ITPR2: variants seen among roughly 807,000 people sequenced by gnomAD.
ITPR2 encodes inositol 1,4,5-trisphosphate receptor type 2, also known as inositol 1,4,5-trisphosphate-gated calcium channel ITPR2.
A neutral mutation model predicts 317.1 loss-of-function variants in ITPR2; 207 were observed. The observed-to-expected ratio is 0.65, with a 90% CI of 0.58 to 0.73. ITPR2 has a LOEUF of 0.73. ITPR2 is among the 30% of genes least tolerant of loss of function. The pLI is 0.00. For synonymous variants in ITPR2, 1,156 were observed against 1,149.1 expected (o/e 1.01, Z -0.12); for missense variants, 2,613 against 3,284.0 (o/e 0.80, Z 4.99).
chr12:26,614,440 A>G (rs1174315569), intron 26 of ITPR2, among the ~76,000 whole-genome samples: 1 of 152,172 alleles, frequency 6.6e-6, no homozygotes, highest in Non-Finnish European at 1.5e-5. Context: ...GCAATCACAA[A>G]TACTCTAAGC....
At chr12:26,576,985 A>ACT (rs145866496) in intron 34 of ITPR2, among the ~76,000 whole-genome samples, 3 of 149,258 alleles carry the variant, frequency 2.0e-5, no homozygotes, top group Admixed American at 6.7e-5. Context: ...CCTTCCTTTC[A>ACT]CTCTCTCTCT....
At chr12:26,751,323 C>A (rs1949411875) in intron 2 of ITPR2, among the ~76,000 whole-genome samples, 1 of 151,938 alleles carries the variant, frequency 6.6e-6, no homozygotes, top group South Asian at 2.1e-4. Context: ...TACACATGTA[C>A]CCACGAACCT....
chr12:26,677,443 C>T (rs1947935332), intron 13 of ITPR2, among the ~76,000 whole-genome samples: 1 of 151,552 alleles, frequency 6.6e-6, no homozygotes, highest in Non-Finnish European at 1.5e-5. Flanking sequence ...CTAGAAAAAT[C>T]CAAAAAATTA....
chr12:26,432,170 T>C (rs1941229076), intron 48 of ITPR2, among the ~76,000 whole-genome samples: 1 of 152,192 alleles, frequency 6.6e-6, no homozygotes, highest in African/African-American at 2.4e-5. Context: ...AGTTAGTCAA[T>C]TTCCCAATTT....
chr12:26,604,835 C>T (rs932610743), intron 26 of ITPR2, among the ~76,000 whole-genome samples: 4 of 152,112 alleles, frequency 2.6e-5, no homozygotes, highest in African/African-American at 9.7e-5. Flanking sequence ...GTGGCTCACA[C>T]CTGTAATCCC....
At chr12:26,756,784 G>A (rs1315330138) in intron 2 of ITPR2, among the ~76,000 whole-genome samples, 1 of 152,136 alleles carries the variant, frequency 6.6e-6, no homozygotes, top group Non-Finnish European at 1.5e-5. Flanking sequence ...GAAGGGAGGG[G>A]GGAAATGTCA....
intron 37 of ITPR2, among the ~76,000 whole-genome samples, chr12:26,516,379 A>AAG (rs1943518904): frequency 1.3e-5 from 2 of 151,634 alleles, no homozygotes; most frequent in African/African-American, 2.4e-5. Flanking sequence ...AAGCTGAGGA[A>AAG]CTACTGTTAT....
chr12:26,380,763 G>A (rs1053805519), intron 55 of ITPR2, among the ~76,000 whole-genome samples: 1 of 152,154 alleles, frequency 6.6e-6, no homozygotes. Flanking sequence ...AGACTCGATG[G>A]CTTTCATGAG....
rs1486404247 is a variant in ITPR2 at position 26,785,453 on chromosome 12, C to T, written c.163+4704G>A. 4.8e-4 allele frequency among the ~76,000 whole-genome samples: 41 copies of T among 85,142 alleles called. 1 individual carries two copies. Among genetic ancestry groups the T allele is most frequent in the African/African-American group, 8.0e-4 (22 of 27,568 alleles). The allele number at this position is 85,142 out of a possible 152,430, so 55.9% of individuals were successfully genotyped here. On this transcript the variant is annotated intron_variant, in intron 2 of 56. Transcript: ENST00000381340. Reference sequence around the variant, plus strand: ...TGGGGGGGTCAGCCCCCTGCCCGGCCGGCCGCCCCGTCCGGGAGGTGAGGG... The same window carrying T: ...TGGGGGGGTCAGCCCCCTGCCCGGCTGGCCGCCCCGTCCGGGAGGTGAGGG...
intron 1 of ITPR2, among the ~76,000 whole-genome samples, chr12:26,811,074 T>C (rs1717940295): frequency 6.8e-6 from 1 of 147,836 alleles, no homozygotes; most frequent in South Asian, 2.2e-4. Context: ...AAAGATACTC[T>C]AATGACACTC....
At chr12:26,583,706 C>T (rs1283807673) in intron 32 of ITPR2, among the ~76,000 whole-genome samples, 1 of 152,088 alleles carries the variant, frequency 6.6e-6, no homozygotes, top group Non-Finnish European at 1.5e-5. Context: ...TCCTAGGTTA[C>T]CTGAGGTTTG....
At chr12:26,737,692 T>G (rs1361376978) in intron 2 of ITPR2, among the ~76,000 whole-genome samples, 1 of 152,084 alleles carries the variant, frequency 6.6e-6, no homozygotes, top group African/African-American at 2.4e-5. Flanking sequence ...GTTTGGCATC[T>G]CGGTATTACA....
At chr12:26,639,742 T>C (rs1591987890) in intron 21 of ITPR2, among the ~76,000 whole-genome samples, 1 of 151,608 alleles carries the variant, frequency 6.6e-6, no homozygotes, top group East Asian at 1.9e-4. Context: ...GTCCTTGTGA[T>C]AGTTTGCTGA....
At chr12:26,456,339 C>T (rs907827476) in intron 45 of ITPR2, among the ~76,000 whole-genome samples, 2 of 152,320 alleles carry the variant, frequency 1.3e-5, no homozygotes, top group Admixed American at 6.5e-5. Context: ...CTCCTAGCAG[C>T]GCCATGACAG....
At chr12:26,591,475 C>T (rs977517579) in intron 32 of ITPR2, among the ~76,000 whole-genome samples, 2 of 152,144 alleles carry the variant, frequency 1.3e-5, no homozygotes, top group African/African-American at 4.8e-5. Flanking sequence ...AACCCTTGTA[C>T]ACATTAGTGG....
chr12:26,566,812 C>G (rs1167580744), intron 34 of ITPR2, among the ~76,000 whole-genome samples: 1 of 152,148 alleles, frequency 6.6e-6, no homozygotes, highest in Non-Finnish European at 1.5e-5. Context: ...CTTTCACACA[C>G]AGCAGTGCAA....
chr12:26,692,600 T>C (rs541542306), intron 10 of ITPR2, among the ~76,000 whole-genome samples: 1 of 152,262 alleles, frequency 6.6e-6, no homozygotes, highest in African/African-American at 2.4e-5. Flanking sequence ...ACGGTTCCAA[T>C]GTTTACAGGG....
intron 37 of ITPR2, among the ~76,000 whole-genome samples, chr12:26,537,296 G>A (rs528710706): frequency 6.6e-5 from 10 of 152,326 alleles, no homozygotes; most frequent in African/African-American, 2.4e-4. Flanking sequence ...GCCTAACTCA[G>A]CCAAGAGGAT....
At chr12:26,538,569 CT>C (rs1239549558) in intron 37 of ITPR2, among the ~76,000 whole-genome samples, 2 of 135,130 alleles carry the variant, frequency 1.5e-5, no homozygotes, top group African/African-American at 6.1e-5. Context: ...ATTTTTTTTT[CT>C]TTTTTTCTTT....
Sources: allele counts gnomAD v4.1 joint callset (sites outside exome capture counted in the v4.1 genomes callset), GRCh38; gene constraint gnomAD v4.1.1; transcripts MANE v1.5; gene names NCBI Gene and HGNC (gene_info 2026-07-23, HGNC 2026-07-21).